Variants in ERCC6L2 observed in about 807,000 individuals in gnomAD.
The protein encoded by ERCC6L2 is ERCC excision repair 6 like 2.
A neutral mutation model predicts 132.0 loss-of-function variants in ERCC6L2; 77 were observed. The ratio of observed to expected loss-of-function variants is 0.58; its 90% CI spans 0.49 to 0.71. The LOEUF is 0.71. Ranked by LOEUF, ERCC6L2 falls within the 30% of genes least tolerant of loss-of-function variation. The probability of loss-of-function intolerance (pLI) is 0.00; values close to 1 mark genes in which losing one functional copy is unlikely to be tolerated. For synonymous variants in ERCC6L2, 583 were observed against 632.4 expected, an observed-to-expected ratio of 0.92 and a Z score of 1.17; for missense variants, 1,542 against 1,837.6, an observed-to-expected ratio of 0.84 and a Z score of 2.94.
chr9:95,905,084 TGGATTA>T (rs1828966764), intron 3 of ERCC6L2: 1 of 152,130 alleles, frequency 6.6e-6, no homozygotes, highest in African/African-American at 2.4e-5. Context: ...GGTTAGTACT[TGGATTA>T]GAGGAATAGC....
intron 18 of ERCC6L2, among the ~76,000 whole-genome samples, chr9:96,010,260 G>A (rs1443996857): frequency 6.6e-6 from 1 of 152,172 alleles, no homozygotes; most frequent in African/African-American, 2.4e-5. Context: ...TAACAAGACA[G>A]TGTAGTGAGG....
intron 19 of ERCC6L2, among the ~76,000 whole-genome samples, chr9:96,031,846 C>CAGGAGG (rs1834464257): frequency 4.6e-5 from 7 of 152,218 alleles, no homozygotes; most frequent in Non-Finnish European, 1.0e-4. Context: ...TGGAAGCCCT[C>CAGGAGG]CTGCTTGCTG....
intron 1 of ERCC6L2, among the ~76,000 whole-genome samples, chr9:95,878,084 A>G (rs1452152700): frequency 1.3e-5 from 2 of 152,230 alleles, no homozygotes; most frequent in Non-Finnish European, 2.9e-5. Flanking sequence ...GGTTAGGCAT[A>G]ATTTAGGGAA....
chr9:95,904,847 ATAAT>A (rs1828952444), intron 3 of ERCC6L2, among the ~76,000 whole-genome samples: 2 of 152,194 alleles, frequency 1.3e-5, no homozygotes, highest in Non-Finnish European at 2.9e-5. Context: ...AAAGATATAA[ATAAT>A]TCAGTATTCT....
intron 16 of ERCC6L2, among the ~76,000 whole-genome samples, chr9:95,975,300 A>G (rs1198652310): frequency 6.6e-6 from 1 of 152,128 alleles, no homozygotes; most frequent in African/African-American, 2.4e-5. Context: ...TAGATTGCTC[A>G]AGAAGTGTTC....
chr9:95,937,880 A>G (rs1474269279), intron 11 of ERCC6L2, among the ~76,000 whole-genome samples: 1 of 150,278 alleles, frequency 6.7e-6, no homozygotes, highest in Non-Finnish European at 1.5e-5. Context: ...CTAGTTTCTT[A>G]GGGGGAGGAC....
At chr9:96,005,729 G>T (rs1217065071) in intron 18 of ERCC6L2, among the ~76,000 whole-genome samples, 9 of 152,176 alleles carry the variant, frequency 5.9e-5, no homozygotes, top group Admixed American at 4.6e-4. Context: ...TTTGGATTTT[G>T]TTCCAAGTGC....
chr9:95,882,446 C>T lies in ERCC6L2; in HGVS notation c.471+1153C>T, dbSNP rs549193925. On this transcript the variant is annotated intron_variant, in intron 2 of 18. Transcript: ENST00000653738. ...ATCCAAGAAGAATAGAGTTTTGAAT[C>T]TAGATTTTATACTAAACGATCACTT... Among the ~76,000 whole-genome samples, 14 of 152,208 alleles carry T rather than the reference C, an allele frequency of 9.2e-5. No individual in the cohort carries two copies. The South Asian group carries it at 2.3e-3, about 25-fold the overall frequency.
chr9:95,939,548 T>G (rs1394551902), intron 11 of ERCC6L2, among the ~76,000 whole-genome samples: 2 of 152,200 alleles, frequency 1.3e-5, no homozygotes, highest in Non-Finnish European at 2.9e-5. Flanking sequence ...GTTCTCATCA[T>G]GCTTACTGAT....
intron 18 of ERCC6L2, among the ~76,000 whole-genome samples, chr9:96,011,954 A>T (rs1834039346): frequency 6.6e-6 from 1 of 152,252 alleles, no homozygotes. Context: ...GGGCCTCCAT[A>T]ATTCCCAGGA....
At chr9:95,950,823 T>G (rs1261404470) in intron 12 of ERCC6L2, among the ~76,000 whole-genome samples, 1 of 152,120 alleles carries the variant, frequency 6.6e-6, no homozygotes, top group Non-Finnish European at 1.5e-5. Context: ...GAGCCCCAAA[T>G]TGTATGAAGC....
At chr9:95,919,154 C>A (rs998921642) in intron 6 of ERCC6L2, among the ~76,000 whole-genome samples, 1 of 152,124 alleles carries the variant, frequency 6.6e-6, no homozygotes, top group Non-Finnish European at 1.5e-5. Context: ...AGCCACCACG[C>A]CCGGCCTGTG....
intron 12 of ERCC6L2, among the ~76,000 whole-genome samples, chr9:95,945,429 C>T (rs1297852763): frequency 6.6e-6 from 1 of 152,076 alleles, no homozygotes; most frequent in Admixed American, 6.5e-5. Flanking sequence ...GTGCAGTTAA[C>T]GCAATCATCA....
In ERCC6L2 at chr9:96,015,179, C is replaced by G. The variant is rs1834159022; in HGVS notation, c.*1976C>G. On this transcript the variant is annotated 3_prime_UTR_variant, in exon 19 of 19. Transcript: ENST00000653738. ...AGGATTACAGGTGTGTACCACCACA[C>G]TCAGCTAAACATTTTTTTTTTTTTT... Among the ~76,000 whole-genome samples the G allele has an allele frequency of 6.7e-6, 1 of 149,562 alleles. No homozygotes were observed. The highest frequency in any genetic ancestry group is 3.4e-3 in the Middle Eastern group (1 of 292).
chr9:95,978,306 G>T, intron 17 of ERCC6L2, 91 bp downstream of exon 17: 1 of 797,848 alleles, frequency 1.3e-6, no homozygotes, highest in Non-Finnish European at 1.7e-6. Flanking sequence ...TCCCTCAAAA[G>T]TAGCAACAAA....
intron 9 of ERCC6L2, 145 bp downstream of exon 9, chr9:95,923,524 G>A (rs1162729625): frequency 2.3e-6 from 2 of 858,400 alleles, no homozygotes; most frequent in Non-Finnish European, 3.5e-6. Flanking sequence ...AATTGTATCA[G>A]CATTTACTAG....
chr9:95,883,467 C>A (rs1036998802), intron 2 of ERCC6L2, among the ~76,000 whole-genome samples: 1 of 152,168 alleles, frequency 6.6e-6, no homozygotes, highest in Non-Finnish European at 1.5e-5. Flanking sequence ...TTAATTAAAG[C>A]CCTGCTGTAA....
At chr9:95,899,600 ATGTGTGTGTG>A (rs56991965) in intron 3 of ERCC6L2, among the ~76,000 whole-genome samples, 2 of 134,820 alleles carry the variant, frequency 1.5e-5, no homozygotes, top group East Asian at 2.2e-4. Context: ...TTATATATAT[ATGTGTGTGTG>A]TGTGTGTGTG....
chr9:96,015,024 T>TTTTTG lies in ERCC6L2; in HGVS notation c.*1825_*1826insGTTTT, dbSNP rs1554763602. ...TCTTCATATATGTACAGTTTTTTTTTTTTTTTTTTTTTTTTTGAGATTGAG... is the reference window on the plus strand; with the variant it reads ...TCTTCATATATGTACAGTTTTTTTTTTTTTGTTTTTTTTTTTTTTTTGAGATTGAG... On this transcript the variant is annotated 3_prime_UTR_variant, in exon 19 of 19. Coordinates refer to ENST00000653738, the MANE Select transcript of ERCC6L2 (RefSeq NM_020207.7). Among the ~76,000 whole-genome samples the TTTTTG allele has an allele frequency of 8.2e-6, 1 of 122,448 alleles. No individual in the cohort carries two copies. The highest frequency in any genetic ancestry group is 3.6e-5 in the African/African-American group (1 of 27,458). The allele number at this position is 122,448 out of a possible 152,430, so 80.3% of individuals were successfully genotyped here.
Sources: allele counts gnomAD v4.1 joint callset (sites outside exome capture counted in the v4.1 genomes callset), GRCh38; gene constraint gnomAD v4.1.1; transcripts MANE v1.5; gene names NCBI Gene and HGNC (gene_info 2026-07-23, HGNC 2026-07-21).